BSN: variants seen among roughly 807,000 people sequenced by gnomAD.
BSN encodes bassoon presynaptic cytomatrix protein.
BSN carries 57 observed loss-of-function variants against 264.8 expected under a neutral mutation model. The ratio of observed to expected loss-of-function variants is 0.22; its 90% CI spans 0.17 to 0.27. BSN has a LOEUF of 0.27. BSN is among the 10% of genes least tolerant of loss of function. The pLI is 1.00. For missense variants in BSN, 4,615 were observed against 5,232.5 expected, an observed-to-expected ratio of 0.88 and a Z score of 3.64; for synonymous variants, 2,059 against 2,137.3, an observed-to-expected ratio of 0.96 and a Z score of 1.01.
At chr3:49,673,087 CTTTTTTTTTTTT>C (rs71080543), downstream of BSN, among the ~76,000 whole-genome samples, 36 of 43,218 alleles carry the variant, frequency 8.3e-4, 2 homozygotes, top group East Asian at 8.1e-3. Flanking sequence ...CCGGCCGGGA[CTTTTTTTTTTTT>C]TTTTTTTTTT....
rs1257634416 is a variant in BSN at position 49,652,510 on chromosome 3, C to A, written c.2954C>A (p.Ala985Asp). The A allele has an allele frequency of 1.9e-6, 3 of 1,613,706 alleles. No individual in the cohort carries two copies. In the Admixed American group the frequency reaches 5.0e-5, roughly 27 times the overall value. The stretch of plus-strand genomic sequence containing the variant: ...GGTGAGCACTCCTCTACATTGCCTG[C>A]CTCCACACCCAGCTACACCTCGGGC... ...SRGEHSSTLPASTPSYTSGTS... is the reference protein window; with the variant it reads ...SRGEHSSTLPDSTPSYTSGTS... The change falls in exon 5 of 12, where the codon GCC (alanine) becomes GAC (aspartate). Residue 985 changes from alanine to aspartate, a missense_variant. This residue lies in a region of BSN where 1,197 missense variants were observed against 1,348.0 expected (regional missense o/e 0.89). Transcript: ENST00000296452.
intron 11 of BSN, among the ~76,000 whole-genome samples, chr3:49,665,919 G>A (rs901365901): frequency 7.9e-5 from 12 of 152,248 alleles, no homozygotes; most frequent in Admixed American, 3.3e-4. Flanking sequence ...CACCCTGTCT[G>A]GGCTGCAGTG....
chr3:49,565,800 C>T lies in BSN; in HGVS notation c.224+10974C>T, dbSNP rs79641510. On this transcript the variant is annotated intron_variant, in intron 1 of 11. Transcript: ENST00000296452. ...CCATATTTAATTTTTCTTTATTGTTCCAAAAATGACATTTTATTTTATTTA... is the reference window on the plus strand; with the variant it reads ...CCATATTTAATTTTTCTTTATTGTTTCAAAAATGACATTTTATTTTATTTA... Among the ~76,000 whole-genome samples the T allele has an allele frequency of 2.8e-3, 432 of 152,218 alleles. 2 individuals are homozygous for T. Among genetic ancestry groups the T allele is most frequent in the African/African-American group, 0.01 (422 of 41,530 alleles).
At chr3:49,577,892 T>A (rs1431938967) in intron 1 of BSN, among the ~76,000 whole-genome samples, 1 of 152,174 alleles carries the variant, frequency 6.6e-6, no homozygotes, top group Non-Finnish European at 1.5e-5. Context: ...ATGATAAGAA[T>A]ACCCACCTGT....
In BSN at chr3:49,657,342, T is replaced by C. The variant is rs1346593355; in HGVS notation, c.7786T>C (p.Tyr2596His). Residue 2596 changes from tyrosine to histidine, a missense_variant, in exon 5 of 12, where the codon TAC becomes CAC. Transcript: ENST00000296452. ...AGACGATGAGGATGGGGAGAGCCGCTACCTCTTGAGTCGGCGACGCCGGGC... is the reference window on the plus strand; with the variant it reads ...AGACGATGAGGATGGGGAGAGCCGCCACCTCTTGAGTCGGCGACGCCGGGC... ...QTDDEDGESR[Y>H]LLSRRRRARR... 3 of 1,613,350 alleles carry C rather than the reference T, an allele frequency of 1.9e-6. No homozygotes were observed. Among genetic ancestry groups the C allele is most frequent in the Non-Finnish European group, 2.5e-6 (3 of 1,179,974 alleles).
chr3:49,619,106 T>C (rs973882212), intron 1 of BSN, among the ~76,000 whole-genome samples: 2 of 152,184 alleles, frequency 1.3e-5, no homozygotes, highest in African/African-American at 2.4e-5. Flanking sequence ...CCTGAATGAA[T>C]GAATGAATAA....
chr3:49,617,283 TTATATATATATATATATATATATA>T (rs6147817), intron 1 of BSN, among the ~76,000 whole-genome samples: 3 of 122,088 alleles, frequency 2.5e-5, no homozygotes, highest in African/African-American at 9.4e-5. Flanking sequence ...ATAAAATACA[TTATATATATATATATATATATATA>T]TATATATATA....
chr3:49,641,025 G>C (rs545884920), intron 2 of BSN, among the ~76,000 whole-genome samples: 4 of 152,242 alleles, frequency 2.6e-5, no homozygotes, highest in Non-Finnish European at 4.4e-5. Flanking sequence ...CAGAGAGAGG[G>C]GGAGGCTGGG....
Position 49,652,384 on chromosome 3 carries a change from G to A in BSN, c.2828G>A (p.Gly943Asp), listed in dbSNP as rs753828845. The A allele has an allele frequency of 2.5e-6, 4 of 1,608,122 alleles. No individual in the cohort carries two copies. The highest frequency in any genetic ancestry group is 3.4e-6 in the Non-Finnish European group (4 of 1,177,060). The change falls in exon 5 of 12, where the codon GGT becomes GAT. Residue 943 changes from glycine to aspartate, a missense_variant. Physicochemically the swap from Gly to Asp is moderately conservative, Grantham distance 94. Transcript: ENST00000296452. ...GAGCTCAACAGCACGGGAAGTTATG[G>A]TCATGAGTTGGACCTGGGCCAAGGC... ...TIELNSTGSY[G>D]HELDLGQGPD...
chr3:49,664,584 G>T, intron 9 of BSN, 30 bp downstream of exon 9: 2 of 1,570,248 alleles, frequency 1.3e-6, no homozygotes, highest in Non-Finnish European at 1.7e-6. Flanking sequence ...GGTCTGTGGT[G>T]GGTGGCTACT....
chr3:49,615,314 A>G (rs1417283375), intron 1 of BSN, among the ~76,000 whole-genome samples: 1 of 152,102 alleles, frequency 6.6e-6, no homozygotes, highest in Admixed American at 6.5e-5. Flanking sequence ...TGTTGAGTGC[A>G]TGTCTGCCCA....
Position 49,662,023 on chromosome 3 carries a change from TCAG to T in BSN, c.10186_10188del (p.Ser3396del). The T allele has an allele frequency of 6.2e-7, 1 of 1,613,452 alleles. No individual in the cohort carries two copies. Among genetic ancestry groups the T allele is most frequent in the Non-Finnish European group, 8.5e-7 (1 of 1,179,900 alleles). On this transcript the variant is annotated inframe_deletion, in exon 6 of 12. Transcript: ENST00000296452. Reference sequence around the variant, plus strand: ...CTGGCGTCCTACCCCCCACCTGCAGTCAGCAGCAGCCTGGTCTCTCGGGGCAGG... The same window carrying T: ...CTGGCGTCCTACCCCCCACCTGCAGTCAGCAGCCTGGTCTCTCGGGGCAGG...
rs139516375 is a variant in BSN at position 49,658,609 on chromosome 3, G to A, written c.8640+413G>A. ...AGAAAATCAGTCATATGAACCTGGC[G>A]CGGCTGCTCTCGTCCTCTCAGTCCT... On this transcript the variant is annotated intron_variant, in intron 5 of 11. Transcript: ENST00000296452. 9.9e-5 allele frequency among the ~76,000 whole-genome samples: 15 copies of A among 152,258 alleles called. No individual in the cohort carries two copies. In the East Asian group the frequency reaches 2.3e-3, roughly 23 times the overall value.
At chr3:49,626,078 C>T (rs2052339632) in intron 2 of BSN, among the ~76,000 whole-genome samples, 2 of 152,290 alleles carry the variant, frequency 1.3e-5, no homozygotes, top group South Asian at 2.1e-4. Flanking sequence ...CTTTTTCGCC[C>T]AAGAGGACAA....
At chr3:49,606,324 A>ATATATATTATATATATTAAAAT (rs1559603744) in intron 1 of BSN, among the ~76,000 whole-genome samples, 2 of 117,204 alleles carry the variant, frequency 1.7e-5, no homozygotes, top group African/African-American at 6.4e-5. Flanking sequence ...ATATATTAAA[A>ATATATATTATATATATTAAAAT]ATATATATAT....
rs1365862296 is a variant in BSN at position 49,669,900 on chromosome 3, G to T, written c.*2415G>T. ...CAGCTTTTTTACCATTGAGCCAGGA[G>T]TGCGGCAGGCAGTACCTGCCTGACC... On this transcript the variant is annotated 3_prime_UTR_variant, in exon 12 of 12. Transcript: ENST00000296452. 6.5e-6 allele frequency: 1 copy of T among 152,734 alleles called. No homozygotes were observed. Among genetic ancestry groups the T allele is most frequent in the East Asian group, 1.9e-4 (1 of 5,190 alleles). The allele number at this position is 152,734 out of a possible 1,614,324, so 9.5% of individuals were successfully genotyped here.
intron 1 of BSN, among the ~76,000 whole-genome samples, chr3:49,604,110 G>A (rs900835508): frequency 1.3e-5 from 2 of 151,486 alleles, no homozygotes; most frequent in African/African-American, 4.9e-5. Context: ...CTTCTAAAGA[G>A]ATGGGGTCTC....
chr3:49,663,688 G>T (rs2108099202), intron 7 of BSN, 22 bp downstream of exon 7: 1 of 1,603,046 alleles, frequency 6.2e-7, no homozygotes, highest in East Asian at 2.2e-5. Flanking sequence ...TCCCATGCAT[G>T]GGTTGTAACC....
chr3:49,656,792 G>T lies in BSN; in HGVS notation c.7236G>T (p.Val2412=). ...ACCGTGAGGAGGAGCAGCTGCTGGT[G>T]CAGCGGGAGTTGCAGGAGCTGCAGA... ...QRHREEEQLL[V]QRELQELQTI... The change falls in exon 5 of 12, where the codon GTG becomes GTT. Residue 2412 remains valine, a synonymous_variant. Coordinates refer to ENST00000296452, the MANE Select transcript of BSN (RefSeq NM_003458.4). The T allele has an allele frequency of 6.3e-7, 1 of 1,589,132 alleles. No homozygotes were observed. Among genetic ancestry groups the T allele is most frequent in the Non-Finnish European group, 8.6e-7 (1 of 1,168,244 alleles).
Sources: gnomAD v4.1 joint callset for allele counts (sites outside exome capture counted in the v4.1 genomes callset) on GRCh38, gnomAD v4.1.1 for gene constraint, gnomAD v4.1.1 regional missense constraint, MANE v1.5 for transcripts, NCBI Gene and HGNC (gene_info 2026-07-23, HGNC 2026-07-21) for gene names.